LAMA2: variants seen among roughly 807,000 people sequenced by gnomAD.
LAMA2 encodes the protein laminin subunit alpha-2.
Under a neutral mutation model 364.8 loss-of-function variants are expected in LAMA2, and 269 were observed. The observed-to-expected ratio is 0.74, with a 90% CI of 0.67 to 0.82. The LOEUF (loss-of-function observed/expected upper bound fraction) is 0.82. LAMA2 is among the 40% of genes least tolerant of loss of function. LAMA2 has a pLI of 0.00. For synonymous variants in LAMA2, 1,379 were observed against 1,370.6 expected (o/e 1.01, Z -0.14); for missense variants, 3,807 against 3,873.2 (o/e 0.98, Z 0.45).
At chr6:129,515,478 A>G (rs1786979139) in intron 64 of LAMA2, among the ~76,000 whole-genome samples, 1 of 152,192 alleles carries the variant, frequency 6.6e-6, no homozygotes, top group Admixed American at 6.5e-5. Flanking sequence ...AGTCTATGAT[A>G]ATGGGATCCT....
intron 1 of LAMA2, among the ~76,000 whole-genome samples, chr6:128,928,012 GC>G (rs1779202863): frequency 6.6e-6 from 1 of 152,212 alleles, no homozygotes; most frequent in African/African-American, 2.4e-5. Context: ...ACACTGGAAA[GC>G]CTCTCTGGGA....
At chr6:129,295,672 T>C (rs1418930361) in intron 20 of LAMA2, among the ~76,000 whole-genome samples, 1 of 152,028 alleles carries the variant, frequency 6.6e-6, no homozygotes, top group Non-Finnish European at 1.5e-5. Context: ...AAATGATAGC[T>C]ATAATTTGGA....
chr6:129,394,765 A>G (rs1779514005), intron 37 of LAMA2, among the ~76,000 whole-genome samples: 1 of 152,246 alleles, frequency 6.6e-6, no homozygotes. Context: ...AAGAAGAGTT[A>G]TATGGCACAG....
intron 1 of LAMA2, among the ~76,000 whole-genome samples, chr6:128,901,131 T>C (rs1777058484): frequency 6.6e-6 from 1 of 152,222 alleles, no homozygotes; most frequent in Non-Finnish European, 1.5e-5. Flanking sequence ...CACTTTAGCC[T>C]GGGCAACAGA....
chr6:128,948,705 T>C (rs1780629039), intron 1 of LAMA2, among the ~76,000 whole-genome samples: 1 of 152,156 alleles, frequency 6.6e-6, no homozygotes, highest in Non-Finnish European at 1.5e-5. Context: ...CACCATCCCC[T>C]TGGTGATAAG....
Position 129,464,284 on chromosome 6 carries a change from TCTCAGTC to T in LAMA2, c.6993_6999del (p.Ser2331ArgfsTer45). The T allele has an allele frequency of 7.5e-6, 12 of 1,610,104 alleles. No individual in the cohort carries two copies. The highest frequency in any genetic ancestry group is 1.0e-5 in the Non-Finnish European group (12 of 1,176,868). ...TCTGATTCATGTGAAATGTCTCTCT[TCTCAGTC>T]CTCAGGTGGAAGATAGTGAGGGGAC... On this transcript the variant is annotated splice_acceptor_variant and splice_polypyrimidine_tract_variant and coding_sequence_variant and intron_variant, in exon 50 of 65. Transcript: ENST00000421865. LOFTEE classifies it high-confidence loss of function.
At chr6:129,124,587 C>T (rs919333676) in intron 4 of LAMA2, among the ~76,000 whole-genome samples, 1 of 152,134 alleles carries the variant, frequency 6.6e-6, no homozygotes, top group Non-Finnish European at 1.5e-5. Context: ...GTAATAAAGT[C>T]CCTTTTCCCT....
At chr6:129,486,678 G>A in intron 56 of LAMA2, 56 bp downstream of exon 56, 2 of 1,510,276 alleles carry the variant, frequency 1.3e-6, no homozygotes, top group South Asian at 1.1e-5. Context: ...TCCTTTGCTA[G>A]CATCGGTATC....
chr6:129,232,143 A>G (rs1026773830), intron 12 of LAMA2, among the ~76,000 whole-genome samples: 1 of 152,148 alleles, frequency 6.6e-6, no homozygotes, highest in Non-Finnish European at 1.5e-5. Flanking sequence ...TATTATCATC[A>G]TACAGCATAT....
At chr6:129,224,662 C>A (rs564085050) in intron 12 of LAMA2, among the ~76,000 whole-genome samples, 21 of 152,276 alleles carry the variant, frequency 1.4e-4, no homozygotes, top group African/African-American at 4.3e-4. Flanking sequence ...GTTGAACCAG[C>A]CTTGCATCCC....
intron 12 of LAMA2, among the ~76,000 whole-genome samples, chr6:129,204,477 GAAA>G (rs11423987): frequency 1.5e-5 from 2 of 131,584 alleles, no homozygotes; most frequent in African/African-American, 5.4e-5. Flanking sequence ...GTATCCTTAT[GAAA>G]AAAAAAAAAA....
intron 14 of LAMA2, among the ~76,000 whole-genome samples, chr6:129,257,496 T>C (rs1786779621): frequency 6.6e-6 from 1 of 152,124 alleles, no homozygotes; most frequent in Non-Finnish European, 1.5e-5. Flanking sequence ...TTTCTTAAAG[T>C]AGTCAACTGC....
At chr6:128,975,500 G>A (rs932017644) in intron 1 of LAMA2, among the ~76,000 whole-genome samples, 4 of 152,110 alleles carry the variant, frequency 2.6e-5, no homozygotes, top group Non-Finnish European at 4.4e-5. Context: ...TAAAGTGTGG[G>A]GCAAATGATG....
rs1023922833 is a variant in LAMA2 at position 129,148,986 on chromosome 6, G to T, written c.917G>T (p.Arg306Leu). The T allele has an allele frequency of 5.6e-6, 9 of 1,611,190 alleles. No homozygotes were observed. The highest frequency in any genetic ancestry group is 2.2e-5 in the East Asian group (1 of 44,872). The change falls in exon 7 of 65, where the codon CGC becomes CTC. Residue 306 changes from arginine (R) to leucine (L), a missense_variant. Coordinates refer to ENST00000421865, the MANE Select transcript of LAMA2 (RefSeq NM_000426.4). ...CTCCCTCTTTTTGACTAGAAATCTCGCTGTGAGTGTGAGCATAACACATGT... is the reference window on the plus strand; with the variant it reads ...CTCCCTCTTTTTGACTAGAAATCTCTCTGTGAGTGTGAGCATAACACATGT... ...CPLDPATNKS[R>L]CECEHNTCGD...
intron 4 of LAMA2, among the ~76,000 whole-genome samples, chr6:129,100,356 T>C (rs1373525745): frequency 6.6e-6 from 1 of 152,220 alleles, no homozygotes; most frequent in Non-Finnish European, 1.5e-5. Context: ...CTTACGTCTA[T>C]TTGTCACTCA....
intron 43 of LAMA2, among the ~76,000 whole-genome samples, chr6:129,441,294 G>A (rs1419497951): frequency 6.6e-6 from 1 of 152,140 alleles, no homozygotes; most frequent in African/African-American, 2.4e-5. Context: ...TTTAATCCGT[G>A]TGTGTAATTA....
intron 48 of LAMA2, among the ~76,000 whole-genome samples, chr6:129,457,734 G>T (rs1022292676): frequency 5.9e-5 from 9 of 152,134 alleles, no homozygotes; most frequent in African/African-American, 2.2e-4. Context: ...ATGAAACTGG[G>T]TAGTTTATAA....
chr6:129,220,158 A>AT (rs1183574672), intron 12 of LAMA2, among the ~76,000 whole-genome samples: 11 of 152,224 alleles, frequency 7.2e-5, no homozygotes, highest in Middle Eastern at 3.4e-3. Context: ...GAAATATTAT[A>AT]TTTTTTGCAC....
intron 29 of LAMA2, among the ~76,000 whole-genome samples, chr6:129,332,625 T>G (rs993854202): frequency 6.6e-6 from 1 of 152,192 alleles, no homozygotes; most frequent in African/African-American, 2.4e-5. Context: ...ATATTTTATG[T>G]CTTACAGTAA....
Sources: gnomAD v4.1 joint callset for allele counts (sites outside exome capture counted in the v4.1 genomes callset) on GRCh38, gnomAD v4.1.1 for gene constraint, MANE v1.5 for transcripts, NCBI Gene and HGNC (gene_info 2026-07-23, HGNC 2026-07-21) for gene names.